ZMYM2: variants seen among roughly 807,000 people sequenced by gnomAD.
ZMYM2 encodes the protein zinc finger MYM-type containing 2, also known as zinc finger MYM-type protein 2.
Under a neutral mutation model 162.8 loss-of-function variants are expected in ZMYM2, and 56 were observed. The observed-to-expected ratio is 0.34, with a 90% CI of 0.28 to 0.43. The LOEUF is 0.43. Among genes scored for constraint, ZMYM2 ranks in the 20% least tolerant of loss-of-function variants. The pLI is 1.00. For missense variants in ZMYM2, 1,275 were observed against 1,621.8 expected (o/e 0.79, Z 3.67); for synonymous variants, 510 against 541.6 (o/e 0.94, Z 0.81).
chr13:19,884,688 C>G, the ZMYM2 span, among the ~76,000 whole-genome samples: 1,830 of 152,258 alleles, frequency 0.012, 38 homozygotes, highest in African/African-American at 0.04. Context: ...CACGTCCGGA[C>G]TTCGTTCCTT....
chr13:19,965,357 GT>G, intron 2 of ZMYM2: 1 of 752,508 alleles, frequency 1.3e-6, no homozygotes, highest in Non-Finnish European at 1.9e-6. Context: ...TACTGGAACA[GT>G]TTTATAATCA....
At chr13:20,010,674 T>A (rs900852426) in intron 6 of ZMYM2, among the ~76,000 whole-genome samples, 3 of 152,132 alleles carry the variant, frequency 2.0e-5, no homozygotes, top group African/African-American at 7.2e-5. Flanking sequence ...GGAGTCTCCC[T>A]CTGTTGCCCA....
chr13:19,922,739 G>A, the ZMYM2 span, among the ~76,000 whole-genome samples: 11 of 152,234 alleles, frequency 7.2e-5, no homozygotes, highest in Middle Eastern at 3.4e-3. Context: ...AGCTATTCGG[G>A]AGGCTGAGGC....
chr13:19,906,345 A>C, the ZMYM2 span, among the ~76,000 whole-genome samples: 1 of 135,118 alleles, frequency 7.4e-6, no homozygotes, highest in Non-Finnish European at 1.6e-5. Flanking sequence ...GTGTATATAT[A>C]TGTGTGTGTA....
chr13:19,939,311 A>T, the ZMYM2 span, among the ~76,000 whole-genome samples: 1 of 152,060 alleles, frequency 6.6e-6, no homozygotes. Flanking sequence ...GGTGTGAGCC[A>T]CCGCACCCAG....
At chr13:19,989,957 T>G (rs1032485658) in intron 2 of ZMYM2, among the ~76,000 whole-genome samples, 2 of 152,212 alleles carry the variant, frequency 1.3e-5, no homozygotes, top group Non-Finnish European at 2.9e-5. Flanking sequence ...ATCACCACCC[T>G]TTTTCAGCCA....
chr13:19,999,048 A>T (rs1423152506), intron 3 of ZMYM2, among the ~76,000 whole-genome samples: 1 of 152,178 alleles, frequency 6.6e-6, no homozygotes, highest in African/African-American at 2.4e-5. Flanking sequence ...CTAGTGCAGC[A>T]AACTGGAGAC....
chr13:20,043,064 G>T (rs1476574004), intron 12 of ZMYM2, among the ~76,000 whole-genome samples: 1 of 152,046 alleles, frequency 6.6e-6, no homozygotes, highest in Non-Finnish European at 1.5e-5. Context: ...GACCTTGAGG[G>T]TTTAACTGTG....
At chr13:20,021,399 A>G (rs1301983065) in intron 7 of ZMYM2, among the ~76,000 whole-genome samples, 1 of 107,950 alleles carries the variant, frequency 9.3e-6, no homozygotes, top group African/African-American at 3.5e-5. Flanking sequence ...AATGCCTGTC[A>G]TTTTTAAGTT....
rs1166436755 is a variant in ZMYM2, at chr13:19,966,114, GT to G, written c.-11+6099del. Among the ~76,000 whole-genome samples the G allele has an allele frequency of 6.8e-4, 92 of 134,964 alleles. 1 individual carries two copies. Among genetic ancestry groups the G allele is most frequent in the Non-Finnish European group, 8.5e-4 (53 of 62,066 alleles). 88.5% of individuals were successfully genotyped at this position (134,964 alleles called of 152,430 possible). ...TATATTTATAATTCTATATTTGCTT[GT>G]TTTTTTTTTTGTTTTTGTTTTGTTT... On this transcript the variant is annotated intron_variant, in intron 2 of 24. Transcript: ENST00000610343.
At position 20,085,859 on chromosome 13, in the gene ZMYM2, T is replaced by C; in HGVS notation, c.3979T>C (p.Leu1327=). The change falls in exon 25 of 25, where the codon TTG becomes CTG. Residue 1327 remains leucine, a synonymous_variant. Coordinates refer to ENST00000610343, the MANE Select transcript of ZMYM2 (RefSeq NM_197968.4). ...TAATCAGAGGATGGATGTTTTTTAT[T>C]TGCAACCAGAATGCTCTAGTTCTAC... ...NLNQRMDVFY[L]QPECSSSTDS... 1 of 1,612,298 alleles carries C rather than the reference T, an allele frequency of 6.2e-7. No individual in the cohort carries two copies. The highest frequency in any genetic ancestry group is 8.5e-7 in the Non-Finnish European group (1 of 1,179,044).
the ZMYM2 span, among the ~76,000 whole-genome samples, chr13:19,906,147 T>C: frequency 1.3e-5 from 2 of 151,374 alleles, no homozygotes; most frequent in African/African-American, 4.9e-5. Context: ...TGGTGGCACA[T>C]GCCTGTAATA....
the ZMYM2 span, among the ~76,000 whole-genome samples, chr13:19,937,362 A>G: frequency 2.0e-5 from 3 of 149,444 alleles, no homozygotes; most frequent in Non-Finnish European, 4.5e-5. Context: ...CTGGTCTTGA[A>G]CTCCTGACCT....
At chr13:19,933,277 G>T in the ZMYM2 span, among the ~76,000 whole-genome samples, 2 of 151,942 alleles carry the variant, frequency 1.3e-5, no homozygotes, top group South Asian at 4.2e-4. Flanking sequence ...TCAGCTTCTG[G>T]GAATAAGGTC....
the ZMYM2 span, among the ~76,000 whole-genome samples, chr13:19,947,451 CTTT>C: frequency 3.1e-5 from 4 of 130,056 alleles, no homozygotes; most frequent in African/African-American, 2.7e-5. Context: ...TCTTCTTCGT[CTTT>C]TTTTTTTTTT....
At chr13:20,040,258 T>C (rs1954125317) in intron 12 of ZMYM2, among the ~76,000 whole-genome samples, 1 of 152,196 alleles carries the variant, frequency 6.6e-6, no homozygotes, top group South Asian at 2.1e-4. Flanking sequence ...ACTGATTCAA[T>C]TTCGGAGCTC....
At chr13:19,892,438 ATTTTT>A in the ZMYM2 span, among the ~76,000 whole-genome samples, 1 of 147,320 alleles carries the variant, frequency 6.8e-6, no homozygotes, top group East Asian at 2.0e-4. Context: ...CGCCCAGCTA[ATTTTT>A]TTTTTGTATT....
chr13:20,050,623 C>A (rs1359422515), intron 12 of ZMYM2, among the ~76,000 whole-genome samples: 1 of 151,892 alleles, frequency 6.6e-6, no homozygotes, highest in Non-Finnish European at 1.5e-5. Flanking sequence ...TCGTTAAACT[C>A]ATTGGTCAAG....
At chr13:19,966,399 G>A (rs943329705) in intron 2 of ZMYM2, among the ~76,000 whole-genome samples, 1 of 151,230 alleles carries the variant, frequency 6.6e-6, no homozygotes. Context: ...CTCCCAAAGT[G>A]CTGGGATTAC....
Sources: allele counts gnomAD v4.1 joint callset (sites outside exome capture counted in the v4.1 genomes callset), GRCh38; gene constraint gnomAD v4.1.1; transcripts MANE v1.5; gene names NCBI Gene and HGNC (gene_info 2026-07-23, HGNC 2026-07-21).